Variants in THSD4 observed in about 807,000 individuals in gnomAD.
The protein encoded by THSD4 is thrombospondin type 1 domain containing 4.
THSD4 carries 69 observed loss-of-function variants against 119.0 expected under a neutral mutation model. That is an observed-to-expected ratio of 0.58 (90% CI 0.48 to 0.71). THSD4 has a LOEUF of 0.71. Ranked by LOEUF, THSD4 falls within the 30% of genes least tolerant of loss-of-function variation. THSD4 has a pLI of 0.00. For synonymous variants in THSD4, 524 were observed against 540.4 expected, an observed-to-expected ratio of 0.97 and a Z score of 0.42; for missense variants, 1,393 against 1,391.1, an observed-to-expected ratio of 1.00 and a Z score of -0.02.
At chr15:71,230,089 C>T (rs770970384) in intron 4 of THSD4, among the ~76,000 whole-genome samples, 9 of 152,126 alleles carry the variant, frequency 5.9e-5, no homozygotes, top group African/African-American at 1.2e-4. Context: ...TTCAACCTGC[C>T]GGGGGTCAGC....
At chr15:71,579,484 A>G (rs2049518790) in intron 7 of THSD4, among the ~76,000 whole-genome samples, 1 of 152,236 alleles carries the variant, frequency 6.6e-6, no homozygotes, top group Middle Eastern at 3.2e-3. Context: ...GGTGTGAAAA[A>G]TAATAATTCT....
intron 7 of THSD4, among the ~76,000 whole-genome samples, chr15:71,471,900 G>A (rs1324827009): frequency 3.3e-5 from 5 of 152,048 alleles, no homozygotes; most frequent in Non-Finnish European, 7.4e-5. Flanking sequence ...AACCATGTGA[G>A]CTTAAGTACA....
intron 1 of THSD4, among the ~76,000 whole-genome samples, chr15:71,097,730 T>TA (rs1567126097): frequency 0.15 from 17,335 of 118,382 alleles, 1,234 homozygotes; most frequent in Admixed American, 0.21. Flanking sequence ...ATATATATAT[T>TA]TTTTTTTTTA....
intron 6 of THSD4, among the ~76,000 whole-genome samples, chr15:71,335,285 A>C (rs1596345027): frequency 6.6e-6 from 1 of 152,226 alleles, no homozygotes; most frequent in South Asian, 2.1e-4. Context: ...CTCTTTTCTT[A>C]AATCAGTATT....
chr15:71,195,864 T>C (rs1405379934), intron 3 of THSD4, among the ~76,000 whole-genome samples: 2 of 152,222 alleles, frequency 1.3e-5, no homozygotes, highest in African/African-American at 4.8e-5. Context: ...ATCTGTCATA[T>C]TCAATAACCT....
At chr15:71,441,863 T>A (rs1250281695) in intron 7 of THSD4, among the ~76,000 whole-genome samples, 2 of 152,144 alleles carry the variant, frequency 1.3e-5, no homozygotes, top group Admixed American at 1.3e-4. Flanking sequence ...GAGGATTCAA[T>A]GAGACGGTGC....
At chr15:71,135,861 C>T (rs1164329818) in intron 1 of THSD4, among the ~76,000 whole-genome samples, 2 of 152,128 alleles carry the variant, frequency 1.3e-5, no homozygotes, top group African/African-American at 2.4e-5. Context: ...TTCTCCTCCT[C>T]CCCTGTTGGC....
At chr15:71,670,347 G>T (rs1363928261) in intron 8 of THSD4, among the ~76,000 whole-genome samples, 8 of 148,130 alleles carry the variant, frequency 5.4e-5, no homozygotes, top group Middle Eastern at 3.7e-3. Context: ...TTTCTGTCCT[G>T]GCAATAGTTT....
At position 71,141,531 on chromosome 15, in the gene THSD4, G is replaced by A. The variant is rs2040604145; in HGVS notation, c.4G>A (p.Val2Ile). The A allele has an allele frequency of 7.5e-6, 12 of 1,609,788 alleles. No individual in the cohort carries two copies. The highest frequency in any genetic ancestry group is 1.0e-5 in the Non-Finnish European group (12 of 1,178,316). Reference sequence around the variant, plus strand: ...TTTTGCCTGGACCCCCAGCATCATGGTTTCCCATTTCATGGGGTCTCTCAG... The same window carrying A: ...TTTTGCCTGGACCCCCAGCATCATGATTTCCCATTTCATGGGGTCTCTCAG... M[V>I]SHFMGSLSVL... Residue 2 changes from valine to isoleucine, a missense_variant, in exon 2 of 18, where the codon GTT becomes ATT. Physicochemically the swap from Val to Ile is conservative, Grantham distance 29. Transcript: ENST00000261862.
At chr15:71,634,217 A>G (rs1216045524) in intron 7 of THSD4, among the ~76,000 whole-genome samples, 1 of 148,920 alleles carries the variant, frequency 6.7e-6, no homozygotes, top group Non-Finnish European at 1.5e-5. Context: ...AAAGAAAAAG[A>G]AATAATCCTA....
intron 7 of THSD4, among the ~76,000 whole-genome samples, chr15:71,459,408 C>CTG (rs2047395489): frequency 1.1e-4 from 13 of 122,190 alleles, no homozygotes; most frequent in South Asian, 7.9e-4. Flanking sequence ...CTCTCTCTGT[C>CTG]TCTCTCTCTC....
intron 6 of THSD4, among the ~76,000 whole-genome samples, chr15:71,392,214 T>C (rs995129126): frequency 6.6e-6 from 1 of 152,206 alleles, no homozygotes; most frequent in East Asian, 1.9e-4. Flanking sequence ...TTGATAAATG[T>C]CGATATTTCC....
At chr15:71,282,113 AT>A (rs1382455825) in intron 6 of THSD4, among the ~76,000 whole-genome samples, 1 of 152,160 alleles carries the variant, frequency 6.6e-6, no homozygotes, top group Non-Finnish European at 1.5e-5. Flanking sequence ...ATTTACTGTT[AT>A]TTTTCTAGTC....
chr15:71,566,684 G>GAAAA (rs1248498062), intron 7 of THSD4, among the ~76,000 whole-genome samples: 4 of 152,060 alleles, frequency 2.6e-5, no homozygotes, highest in Non-Finnish European at 5.9e-5. Flanking sequence ...GCCTTCAAAG[G>GAAAA]CCGGGTCATT....
At chr15:71,496,636 A>G (rs114767967) in intron 7 of THSD4, among the ~76,000 whole-genome samples, 3,426 of 152,236 alleles carry the variant, frequency 0.023, 125 homozygotes, top group African/African-American at 0.078. Flanking sequence ...CTTACCCCAT[A>G]GCTTCTACTG....
chr15:71,597,879 T>A (rs2049934900), intron 7 of THSD4, among the ~76,000 whole-genome samples: 1 of 152,102 alleles, frequency 6.6e-6, no homozygotes, highest in Non-Finnish European at 1.5e-5. Context: ...CCAAAGGAAG[T>A]GAGTTCAGAC....
At chr15:71,439,803 A>C (rs1335794089) in intron 7 of THSD4, among the ~76,000 whole-genome samples, 1 of 152,154 alleles carries the variant, frequency 6.6e-6, no homozygotes, top group Non-Finnish European at 1.5e-5. Flanking sequence ...CATAAGTGGG[A>C]GTTGAACAAT....
At chr15:71,489,244 A>G (rs1392991608) in intron 7 of THSD4, among the ~76,000 whole-genome samples, 1 of 152,210 alleles carries the variant, frequency 6.6e-6, no homozygotes, top group East Asian at 1.9e-4. Flanking sequence ...AGTTGCAGCT[A>G]GTTGTTAGAA....
chr15:71,354,259 T>C (rs2045780432), intron 6 of THSD4, among the ~76,000 whole-genome samples: 1 of 152,162 alleles, frequency 6.6e-6, no homozygotes, highest in Admixed American at 6.5e-5. Flanking sequence ...CCTGCCACTG[T>C]ACTCCAGCCT....
Sources: gnomAD v4.1 joint callset for allele counts (sites outside exome capture counted in the v4.1 genomes callset) on GRCh38, gnomAD v4.1.1 for gene constraint, MANE v1.5 for transcripts, NCBI Gene and HGNC (gene_info 2026-07-23, HGNC 2026-07-21) for gene names.